JAK1: variants seen among roughly 807,000 people sequenced by gnomAD.
The protein encoded by JAK1 is tyrosine-protein kinase JAK1.
A neutral mutation model predicts 136.6 loss-of-function variants in JAK1; 16 were observed. That is an observed-to-expected ratio of 0.12 (90% CI 0.08 to 0.18). The LOEUF is 0.18. Ranked by LOEUF, JAK1 falls within the 10% of genes least tolerant of loss-of-function variation. The pLI, the probability that JAK1 is intolerant of heterozygous loss-of-function variation, is 1.00. For missense variants in JAK1, 859 were observed against 1,450.1 expected (o/e 0.59, Z 6.62); for synonymous variants, 492 against 519.5 (o/e 0.95, Z 0.72).
chr1:64,854,563 A>C (rs984201843), intron 11 of JAK1, among the ~76,000 whole-genome samples: 1 of 152,214 alleles, frequency 6.6e-6, no homozygotes, highest in Admixed American at 6.5e-5. Flanking sequence ...AAAATGAGAC[A>C]GTTGACTGTG....
chr1:64,947,545 G>C (rs1646008986), intron 1 of JAK1, among the ~76,000 whole-genome samples: 1 of 152,076 alleles, frequency 6.6e-6, no homozygotes, highest in African/African-American at 2.4e-5. Context: ...TACTGAGAAG[G>C]GGAATGCCTT....
intron 1 of JAK1, among the ~76,000 whole-genome samples, chr1:65,062,345 G>C (rs1647830029): frequency 6.6e-6 from 1 of 152,152 alleles, no homozygotes; most frequent in Admixed American, 6.5e-5. Flanking sequence ...TTATATGCCA[G>C]CTAACTTCGG....
chr1:64,921,130 C>G (rs770497235), intron 1 of JAK1, among the ~76,000 whole-genome samples: 7 of 152,156 alleles, frequency 4.6e-5, no homozygotes, highest in Non-Finnish European at 8.8e-5. Flanking sequence ...GCATGACTCA[C>G]ACATCTGAAT....
At chr1:65,037,663 G>A (rs1345407463) in intron 2 of JAK1, among the ~76,000 whole-genome samples, 2 of 152,110 alleles carry the variant, frequency 1.3e-5, no homozygotes, top group African/African-American at 4.8e-5. Flanking sequence ...AGGAGCTGGA[G>A]ACCAGCCTGC....
intron 4 of JAK1, among the ~76,000 whole-genome samples, chr1:64,878,756 ACT>A (rs2101211973): frequency 6.6e-6 from 1 of 151,508 alleles, no homozygotes; most frequent in South Asian, 2.1e-4. Context: ...CATTTGAAAA[ACT>A]CTGCTGTAGG....
chr1:65,006,068 G>A (rs2100760016), intron 2 of JAK1, among the ~76,000 whole-genome samples: 1 of 152,172 alleles, frequency 6.6e-6, no homozygotes, highest in South Asian at 2.1e-4. Flanking sequence ...AATAAATATG[G>A]GCTTTCTAAG....
At chr1:64,869,509 C>A in intron 5 of JAK1, 35 bp from the exon 6 acceptor site, 1 of 1,593,896 alleles carries the variant, frequency 6.3e-7, no homozygotes, top group Non-Finnish European at 8.6e-7. Context: ...GAGAGCCCAC[C>A]CGTTTTTGAT....
chr1:64,991,164 G>A (rs562164035), intron 2 of JAK1: 1 of 152,254 alleles, frequency 6.6e-6, no homozygotes, highest in South Asian at 2.1e-4. Context: ...CCAAACAGAA[G>A]TTTTGGAGCA....
intron 2 of JAK1, among the ~76,000 whole-genome samples, chr1:64,975,979 AAG>A (rs1049844524): frequency 4.5e-4 from 69 of 152,176 alleles, no homozygotes; most frequent in African/African-American, 1.6e-3. Context: ...GTCCCCTGGC[AAG>A]AGTACACTGA....
At chr1:64,913,662 A>AGGAG in intron 1 of JAK1, among the ~76,000 whole-genome samples, 1 of 22,048 alleles carries the variant, frequency 4.5e-5, no homozygotes, top group African/African-American at 1.2e-4. Flanking sequence ...GAAAGAAGGA[A>AGGAG]GGAAGGAAGG....
intron 7 of JAK1, among the ~76,000 whole-genome samples, chr1:64,866,366 G>A (rs760044273): frequency 2.0e-5 from 3 of 152,180 alleles, no homozygotes; most frequent in Admixed American, 6.5e-5. Flanking sequence ...ATCTCATAAA[G>A]AAGCTCCCAT....
At chr1:64,890,248 ATT>A (rs59278279) in intron 1 of JAK1, among the ~76,000 whole-genome samples, 2 of 148,734 alleles carry the variant, frequency 1.3e-5, no homozygotes, top group African/African-American at 4.9e-5. Context: ...GAAGATCAGG[ATT>A]TTTTTTTTTT....
chr1:64,861,429 T>C (rs1340189075), intron 8 of JAK1, among the ~76,000 whole-genome samples: 1 of 152,020 alleles, frequency 6.6e-6, no homozygotes, highest in Non-Finnish European at 1.5e-5. Context: ...GTGTTGTAGA[T>C]TTGGGGTACT....
At chr1:65,001,335 A>G (rs992643546) in intron 2 of JAK1, among the ~76,000 whole-genome samples, 1 of 152,196 alleles carries the variant, frequency 6.6e-6, no homozygotes, top group African/African-American at 2.4e-5. Flanking sequence ...AGCCTCCGCC[A>G]GCAGAGGCCT....
intron 2 of JAK1, among the ~76,000 whole-genome samples, chr1:65,025,677 CTTTT>C (rs34876931): frequency 0.23 from 34,487 of 151,598 alleles, 5,000 homozygotes; most frequent in East Asian, 0.38. Context: ...TTCTTTCTTT[CTTTT>C]TTCTTTCCTT....
chr1:65,043,511 T>C (rs1647153815), intron 2 of JAK1, among the ~76,000 whole-genome samples: 1 of 152,032 alleles, frequency 6.6e-6, no homozygotes, highest in Non-Finnish European at 1.5e-5. Context: ...ACATAGCATA[T>C]GATTATATAT....
At chr1:65,042,713 T>C (rs1647146171) in intron 2 of JAK1, among the ~76,000 whole-genome samples, 1 of 152,222 alleles carries the variant, frequency 6.6e-6, no homozygotes, top group South Asian at 2.1e-4. Context: ...CATTTTTTAC[T>C]ATGTTTGATA....
intron 2 of JAK1, chr1:64,989,999 T>C (rs534806185): frequency 1.8e-3 from 267 of 152,354 alleles, no homozygotes; most frequent in African/African-American, 6.2e-3. Context: ...GACATTCAGG[T>C]AAAATTCTGT....
intron 1 of JAK1, among the ~76,000 whole-genome samples, chr1:65,060,192 A>G (rs554738115): frequency 6.6e-6 from 1 of 152,250 alleles, no homozygotes; most frequent in South Asian, 2.1e-4. Context: ...ATAGTTGCAC[A>G]TTTTTACCCG....
Sources: gnomAD v4.1 joint callset for allele counts (sites outside exome capture counted in the v4.1 genomes callset) on GRCh38, gnomAD v4.1.1 for gene constraint, MANE v1.5 for transcripts, NCBI Gene and HGNC (gene_info 2026-07-23, HGNC 2026-07-21) for gene names.